Variants in GRID2 observed in about 807,000 individuals in gnomAD.
GRID2 encodes glutamate ionotropic receptor delta type subunit 2, also known as glutamate receptor ionotropic, delta-2.
In GRID2, 33 loss-of-function variants were observed where a neutral mutation model predicts 114.8. That is an observed-to-expected ratio of 0.29 (90% CI 0.22 to 0.38). GRID2 has a LOEUF of 0.38. GRID2 is among the 10% of genes least tolerant of loss of function. The probability of loss-of-function intolerance (pLI) is 1.00; values close to 1 mark genes in which losing one functional copy is unlikely to be tolerated. For synonymous variants in GRID2, 505 were observed against 449.9 expected (o/e 1.12, Z -1.55); for missense variants, 1,184 against 1,257.7 (o/e 0.94, Z 0.89).
intron 9 of GRID2, among the ~76,000 whole-genome samples, chr4:93,398,564 T>G (rs1302259245): frequency 6.6e-6 from 1 of 151,894 alleles, no homozygotes; most frequent in South Asian, 2.1e-4. Flanking sequence ...ACAATCATGT[T>G]AAATTCATTT....
chr4:92,806,166 G>C (rs1044076939), intron 2 of GRID2, among the ~76,000 whole-genome samples: 21 of 133,332 alleles, frequency 1.6e-4, no homozygotes, highest in African/African-American at 4.4e-4. Flanking sequence ...ATAGGCTATC[G>C]ACACACACAC....
intron 1 of GRID2, among the ~76,000 whole-genome samples, chr4:92,394,203 AATC>A (rs1481357326): frequency 6.6e-6 from 1 of 152,138 alleles, no homozygotes; most frequent in Non-Finnish European, 1.5e-5. Context: ...TAATATCAAT[AATC>A]ATCTGCAATT....
At chr4:93,197,032 T>C (rs1741566915) in intron 4 of GRID2, among the ~76,000 whole-genome samples, 2 of 152,190 alleles carry the variant, frequency 1.3e-5, no homozygotes, top group African/African-American at 4.8e-5. Context: ...CATTTTCTTA[T>C]ACCACTTTAA....
chr4:92,671,624 A>G (rs1733074976), intron 2 of GRID2, among the ~76,000 whole-genome samples: 1 of 152,118 alleles, frequency 6.6e-6, no homozygotes, highest in African/African-American at 2.4e-5. Context: ...AATAAGGAAT[A>G]GATTTTTGTC....
intron 2 of GRID2, among the ~76,000 whole-genome samples, chr4:92,649,509 A>C (rs975261698): frequency 6.6e-6 from 1 of 151,384 alleles, no homozygotes; most frequent in Non-Finnish European, 1.5e-5. Context: ...ACTGATTCCT[A>C]TATTAATCTC....
At chr4:93,746,467 C>A (rs1026995265) in intron 14 of GRID2, among the ~76,000 whole-genome samples, 5 of 150,590 alleles carry the variant, frequency 3.3e-5, no homozygotes, top group Admixed American at 3.3e-4. Context: ...ATTCTTCCAA[C>A]ACATACAGGC....
At chr4:92,721,173 T>C (rs1735792439) in intron 2 of GRID2, among the ~76,000 whole-genome samples, 1 of 152,064 alleles carries the variant, frequency 6.6e-6, no homozygotes, top group African/African-American at 2.4e-5. Context: ...GGGAAGTTAG[T>C]GTTCAATGGA....
intron 2 of GRID2, among the ~76,000 whole-genome samples, chr4:92,916,809 G>A (rs535226752): frequency 9.2e-5 from 14 of 152,030 alleles, no homozygotes; most frequent in East Asian, 1.9e-4. Context: ...GAATAGTGCC[G>A]CAATAAACAT....
chr4:93,655,742 C>T (rs191406086), intron 14 of GRID2, among the ~76,000 whole-genome samples: 1 of 152,076 alleles, frequency 6.6e-6, no homozygotes, highest in East Asian at 1.9e-4. Context: ...TTCTAAATCC[C>T]TCATTGTCTC....
chr4:93,042,273 C>T (rs865977969), intron 2 of GRID2, among the ~76,000 whole-genome samples: 10 of 79,682 alleles, frequency 1.3e-4, no homozygotes, highest in African/African-American at 4.7e-4. Context: ...CTCTCTCTCT[C>T]TTTCTCTCTC....
At chr4:93,535,650 T>C (rs1032344493) in intron 13 of GRID2, among the ~76,000 whole-genome samples, 1 of 152,088 alleles carries the variant, frequency 6.6e-6, no homozygotes, top group African/African-American at 2.4e-5. Context: ...TATTGATTAA[T>C]GATGTTGGCA....
At chr4:92,432,963 A>G (rs951660757) in intron 1 of GRID2, among the ~76,000 whole-genome samples, 1 of 152,188 alleles carries the variant, frequency 6.6e-6, no homozygotes, top group Non-Finnish European at 1.5e-5. Flanking sequence ...TCAGCTGGTG[A>G]TGAATCCTTC....
At chr4:93,134,404 C>T (rs963336507) in intron 4 of GRID2, among the ~76,000 whole-genome samples, 1 of 152,102 alleles carries the variant, frequency 6.6e-6, no homozygotes, top group African/African-American at 2.4e-5. Context: ...TGGGATGGTG[C>T]TTAGTGTTCT....
intron 14 of GRID2, among the ~76,000 whole-genome samples, chr4:93,697,429 CATAGCAGAT>C (rs1727114274): frequency 6.6e-6 from 1 of 152,058 alleles, no homozygotes; most frequent in Admixed American, 6.6e-5. Context: ...AAAAGGCAGA[CATAGCAGAT>C]GACGGTCACT....
chr4:92,391,030 A>C (rs1186032332), intron 1 of GRID2, among the ~76,000 whole-genome samples: 2 of 152,216 alleles, frequency 1.3e-5, no homozygotes, highest in Non-Finnish European at 2.9e-5. Context: ...ACTGACAAAC[A>C]GTATTTTCCT....
At chr4:93,534,390 C>A (rs1731817607) in intron 13 of GRID2, among the ~76,000 whole-genome samples, 1 of 151,930 alleles carries the variant, frequency 6.6e-6, no homozygotes, top group African/African-American at 2.4e-5. Flanking sequence ...ACATGTCTAC[C>A]ACCTTGTATA....
intron 1 of GRID2, among the ~76,000 whole-genome samples, chr4:92,493,677 TG>T (rs1016312755): frequency 1.3e-5 from 2 of 152,196 alleles, no homozygotes; most frequent in African/African-American, 4.8e-5. Flanking sequence ...TGACTCCCGT[TG>T]GCCTTAGGAT....
intron 1 of GRID2, among the ~76,000 whole-genome samples, chr4:92,323,628 T>C (rs966686386): frequency 4.1e-4 from 62 of 152,076 alleles, no homozygotes; most frequent in Admixed American, 3.9e-3. Flanking sequence ...TGTGGTCTTA[T>C]CACTTTCTAT....
At chr4:92,962,408 T>A (rs962228858) in intron 2 of GRID2, among the ~76,000 whole-genome samples, 5 of 151,674 alleles carry the variant, frequency 3.3e-5, no homozygotes, top group Non-Finnish European at 7.4e-5. Flanking sequence ...GCTTCTCTGT[T>A]CCCCCTCCCA....
Sources: gnomAD v4.1 joint callset for allele counts (sites outside exome capture counted in the v4.1 genomes callset) on GRCh38, gnomAD v4.1.1 for gene constraint, MANE v1.5 for transcripts, NCBI Gene and HGNC (gene_info 2026-07-23, HGNC 2026-07-21) for gene names.